Variants in COL19A1 observed in about 807,000 individuals in gnomAD.
The protein encoded by COL19A1 is collagen alpha-1(XIX) chain.
In COL19A1, 159 loss-of-function variants were observed where a neutral mutation model predicts 190.2. The observed-to-expected ratio is 0.84, with a 90% CI of 0.73 to 0.95. The LOEUF is 0.95. COL19A1 is among the 40% of genes least tolerant of loss of function. The pLI is 0.00. For synonymous variants in COL19A1, 509 were observed against 458.9 expected, an observed-to-expected ratio of 1.11 and a Z score of -1.39; for missense variants, 1,418 against 1,431.9, an observed-to-expected ratio of 0.99 and a Z score of 0.16.
intron 11 of COL19A1, among the ~76,000 whole-genome samples, chr6:69,972,672 GACAATAT>G (rs552611688): frequency 0.19 from 2,033 of 10,902 alleles, 25 homozygotes; most frequent in Admixed American, 0.3. Flanking sequence ...TGTTTAAAAA[GACAATAT>G]ATAAAATATA....
chr6:69,959,959 T>C (rs759715874), intron 9 of COL19A1, 37 bp from the exon 10 acceptor site: 4 of 1,595,762 alleles, frequency 2.5e-6, no homozygotes, highest in Non-Finnish European at 3.4e-6. Flanking sequence ...CATATATCTT[T>C]ATGGATCATA....
At chr6:70,155,281 A>G (rs529456295) in intron 31 of COL19A1, among the ~76,000 whole-genome samples, 23 of 152,274 alleles carry the variant, frequency 1.5e-4, no homozygotes, top group Admixed American at 1.4e-3. Flanking sequence ...GGAAGAATGG[A>G]AACTTAAGTT....
chr6:70,161,952 C>G lies in COL19A1; in HGVS notation c.2345C>G (p.Pro782Arg). 1.3e-6 allele frequency: 2 copies of G among 1,598,670 alleles called. No individual in the cohort carries two copies. Among genetic ancestry groups the G allele is most frequent in the Non-Finnish European group, 1.7e-6 (2 of 1,173,498 alleles). ...GGTGCTCCAGGCCCGACTGGACCCCCTGTAAGTATTTGTTAAAACGATTGC... is the reference window on the plus strand; with the variant it reads ...GGTGCTCCAGGCCCGACTGGACCCCGTGTAAGTATTTGTTAAAACGATTGC... Reference protein sequence around the residue: ...IPGAPGPTGPPGLMGRTGHPG... With the variant: ...IPGAPGPTGPRGLMGRTGHPG... Residue 782 changes from proline (P) to arginine (R), a missense_variant and splice_region_variant, in exon 35 of 51, where the codon CCT (proline) becomes CGT (arginine). Pro to Arg is a moderately radical substitution (Grantham distance 103, BLOSUM62 -2). Transcript: ENST00000620364.
chr6:70,042,042 G>T (rs1779660684), intron 14 of COL19A1, among the ~76,000 whole-genome samples: 1 of 152,096 alleles, frequency 6.6e-6, no homozygotes, highest in South Asian at 2.1e-4. Context: ...TCCAGCCTAG[G>T]TGACATAGCA....
chr6:70,117,815 A>G (rs770925746), intron 16 of COL19A1, among the ~76,000 whole-genome samples: 1 of 152,228 alleles, frequency 6.6e-6, no homozygotes, highest in Admixed American at 6.5e-5. Context: ...TTGTATAGGC[A>G]TGACTTGTGT....
chr6:69,897,705 A>G (rs1769888510), intron 2 of COL19A1, among the ~76,000 whole-genome samples: 1 of 152,194 alleles, frequency 6.6e-6, no homozygotes, highest in African/African-American at 2.4e-5. Flanking sequence ...AATCCGAATC[A>G]TTAATTGGTA....
rs1767089742 is a variant in COL19A1, at chr6:70,194,831, C to T, written c.3094+4450C>T. 2.6e-5 allele frequency among the ~76,000 whole-genome samples: 4 copies of T among 152,078 alleles called. No homozygotes were observed. In the South Asian group the frequency reaches 8.3e-4, roughly 32 times the overall value. On this transcript the variant is annotated intron_variant, in intron 48 of 50. Coordinates refer to ENST00000620364, the MANE Select transcript of COL19A1 (RefSeq NM_001858.6). Reference sequence around the variant, plus strand: ...GAGTCAAACATGGGACCAATAAGCCCACACCTCCAGCTGTGGGAGAAAAGA... The same window carrying T: ...GAGTCAAACATGGGACCAATAAGCCTACACCTCCAGCTGTGGGAGAAAAGA...
intron 6 of COL19A1, among the ~76,000 whole-genome samples, chr6:69,930,426 C>A (rs1772683317): frequency 6.6e-6 from 1 of 152,052 alleles, no homozygotes; most frequent in Admixed American, 6.6e-5. Flanking sequence ...TAGTTTATTT[C>A]TTAGAGTTTT....
intron 11 of COL19A1, among the ~76,000 whole-genome samples, chr6:69,966,781 TA>T (rs1015800778): frequency 0.013 from 1,723 of 132,014 alleles, 21 homozygotes; most frequent in African/African-American, 0.031. Flanking sequence ...CTAAAAAAAT[TA>T]AAAAAAAAAA....
At chr6:69,901,057 AG>A (rs1342599665) in intron 4 of COL19A1, among the ~76,000 whole-genome samples, 4 of 152,238 alleles carry the variant, frequency 2.6e-5, no homozygotes, top group African/African-American at 4.8e-5. Context: ...TCAGGCAGGC[AG>A]GTAGCACATA....
chr6:70,189,288 C>G (rs925137225), intron 47 of COL19A1, among the ~76,000 whole-genome samples: 1 of 152,164 alleles, frequency 6.6e-6, no homozygotes, highest in African/African-American at 2.4e-5. Context: ...CGATGAGGAA[C>G]CTACCCAAGA....
chr6:69,870,502 C>T (rs572656301), intron 1 of COL19A1, among the ~76,000 whole-genome samples: 1 of 152,112 alleles, frequency 6.6e-6, no homozygotes, highest in Admixed American at 6.5e-5. Context: ...GAAGGACTTT[C>T]CAGTAGCCAA....
At chr6:69,886,662 T>C (rs952888915) in intron 2 of COL19A1, among the ~76,000 whole-genome samples, 4 of 152,144 alleles carry the variant, frequency 2.6e-5, no homozygotes, top group African/African-American at 9.7e-5. Context: ...ACTTTTGCTA[T>C]AGTCCAGAGA....
At position 70,137,695 on chromosome 6, in the gene COL19A1, G is replaced by A. The variant is rs1291358828; in HGVS notation, c.1394G>A (p.Gly465Glu). The A allele has an allele frequency of 6.2e-7, 1 of 1,613,184 alleles. No homozygotes were observed. The highest frequency in any genetic ancestry group is 8.5e-7 in the Non-Finnish European group (1 of 1,179,432). ...GCTTTGTCTTGAAAGGGTGAAACTG[G>A]ACTACCAGGATTTCCAGGGTCTGTT... is the stretch of plus-strand genomic sequence containing the variant. ...GGLKGDKGET[G>E]LPGFPGSVGP... Residue 465 changes from glycine to glutamate, a missense_variant, in exon 19 of 51, where the codon GGA becomes GAA. Physicochemically the swap from Gly to Glu is moderately conservative, Grantham distance 98 (BLOSUM62 -2). Coordinates refer to ENST00000620364, the MANE Select transcript of COL19A1 (RefSeq NM_001858.6).
At chr6:69,971,432 C>A (rs1287861639) in intron 11 of COL19A1, among the ~76,000 whole-genome samples, 1 of 152,112 alleles carries the variant, frequency 6.6e-6, no homozygotes, top group Non-Finnish European at 1.5e-5. Flanking sequence ...AGAGGCCATG[C>A]AGAAAAACCC....
rs758716923 is a variant in COL19A1 at position 69,899,013 on chromosome 6, G to C, written c.157G>C (p.Glu53Gln). 6.2e-6 allele frequency: 10 copies of C among 1,605,834 alleles called. No homozygotes were observed. In the Admixed American group the frequency reaches 1.7e-4, roughly 27 times the overall value. Residue 53 changes from glutamate to glutamine, a missense_variant, in exon 3 of 51, where the codon GAA becomes CAA. Transcript: ENST00000620364. ...QLTYDNINKL[E>Q]VSGFDLGDSF... ...GACATATGACAACATAAACAAACTT[G>C]AAGTTTCAGGTAGGCAATATAATCC...
In COL19A1 at chr6:69,899,022, G is replaced by C. The variant is rs1561975844; in HGVS notation, c.166G>C (p.Gly56Arg). The part of the protein sequence containing the change: ...YDNINKLEVS[G>R]FDLGDSFSLR... The stretch of plus-strand genomic sequence containing the variant: ...CAACATAAACAAACTTGAAGTTTCA[G>C]GTAGGCAATATAATCCTTTGCAAAG... The change falls in exon 3 of 51, where the codon GGT becomes CGT. Residue 56 changes from glycine (G) to arginine (R), a missense_variant and splice_region_variant. Coordinates refer to ENST00000620364, the MANE Select transcript of COL19A1 (RefSeq NM_001858.6). 2 of 1,597,306 alleles carry C rather than the reference G, an allele frequency of 1.3e-6. No individual in the cohort carries two copies. The highest frequency in any genetic ancestry group is 2.2e-5 in the South Asian group (2 of 90,602).
At chr6:70,068,727 C>T (rs1425345510) in intron 15 of COL19A1, among the ~76,000 whole-genome samples, 1 of 152,024 alleles carries the variant, frequency 6.6e-6, no homozygotes, top group Non-Finnish European at 1.5e-5. Flanking sequence ...CTAATTTGAT[C>T]TACACTACTT....
intron 6 of COL19A1, 96 bp downstream of exon 6, chr6:69,929,796 T>TG: frequency 9.1e-7 from 1 of 1,098,624 alleles, no homozygotes; most frequent in Admixed American, 2.7e-5. Flanking sequence ...GTGTAATAGA[T>TG]TCCCTTCTCA....
Sources: allele counts gnomAD v4.1 joint callset (sites outside exome capture counted in the v4.1 genomes callset), GRCh38; gene constraint gnomAD v4.1.1; transcripts MANE v1.5; gene names NCBI Gene and HGNC (gene_info 2026-07-23, HGNC 2026-07-21).